Variants in PDE1C observed in about 807,000 individuals in gnomAD.
PDE1C encodes dual specificity calcium/calmodulin-dependent 3',5'-cyclic nucleotide phosphodiesterase 1C.
Under a neutral mutation model 93.1 loss-of-function variants are expected in PDE1C, and 62 were observed. The ratio of observed to expected loss-of-function variants is 0.67; its 90% CI spans 0.54 to 0.82. PDE1C has a LOEUF of 0.82. Ranked by LOEUF, PDE1C falls within the 40% of genes least tolerant of loss-of-function variation. PDE1C has a pLI of 0.00. For synonymous variants in PDE1C, 325 were observed against 310.1 expected (o/e 1.05, Z -0.50); for missense variants, 742 against 884.6 (o/e 0.84, Z 2.04).
intron 1 of PDE1C, among the ~76,000 whole-genome samples, chr7:32,367,531 A>G (rs1263835960): frequency 6.6e-6 from 1 of 152,228 alleles, no homozygotes; most frequent in Non-Finnish European, 1.5e-5. Context: ...CTCACCTGTA[A>G]AGACAGACAG....
intron 3 of PDE1C, among the ~76,000 whole-genome samples, chr7:32,137,566 C>T (rs1011342410): frequency 1.3e-5 from 2 of 152,192 alleles, no homozygotes; most frequent in African/African-American, 4.8e-5. Context: ...GTATTTCCTC[C>T]ATCCCCTGGA....
At chr7:32,157,373 T>G (rs999909963) in intron 3 of PDE1C, among the ~76,000 whole-genome samples, 1 of 152,208 alleles carries the variant, frequency 6.6e-6, no homozygotes, top group Middle Eastern at 3.2e-3. Context: ...TTTGAGGTGA[T>G]GGACATCCCC....
the PDE1C span, chr7:31,696,881 G>A: frequency 2.1e-6 from 3 of 1,440,410 alleles, no homozygotes; most frequent in South Asian, 2.8e-5. Context: ...GTCTTCACCA[G>A]ATGTCTATAA....
At chr7:31,733,901 G>A in the PDE1C span, among the ~76,000 whole-genome samples, 61 of 152,272 alleles carry the variant, frequency 4.0e-4, no homozygotes, top group African/African-American at 1.1e-3. Flanking sequence ...CTACTCGGGA[G>A]GCTGAGGCAA....
At chr7:31,747,963 C>G (rs944399602), downstream of PDE1C, among the ~76,000 whole-genome samples, 1 of 149,962 alleles carries the variant, frequency 6.7e-6, no homozygotes, top group African/African-American at 2.5e-5. Flanking sequence ...AGAGTTCAGG[C>G]TCCTCCCATA....
At chr7:32,167,260 G>A (rs761290571) in intron 3 of PDE1C, among the ~76,000 whole-genome samples, 1 of 152,186 alleles carries the variant, frequency 6.6e-6, no homozygotes, top group Non-Finnish European at 1.5e-5. Flanking sequence ...CACACATTTT[G>A]TCCTGGTAGT....
intron 7 of PDE1C, among the ~76,000 whole-genome samples, chr7:31,857,127 G>T (rs1179863742): frequency 1.3e-5 from 2 of 152,100 alleles, no homozygotes; most frequent in East Asian, 1.9e-4. Flanking sequence ...CTGAGGTCCT[G>T]GGGACTAGGA....
intron 7 of PDE1C, among the ~76,000 whole-genome samples, chr7:31,853,570 A>G (rs895304211): frequency 1.3e-5 from 2 of 152,204 alleles, no homozygotes; most frequent in Non-Finnish European, 2.9e-5. Context: ...ACAGTGAGCG[A>G]GGAATGTAAA....
chr7:31,901,091 A>G (rs1254584386), intron 2 of PDE1C, among the ~76,000 whole-genome samples: 1 of 151,132 alleles, frequency 6.6e-6, no homozygotes, highest in African/African-American at 2.4e-5. Flanking sequence ...GGATTCTATT[A>G]AGGACTGGAA....
intron 1 of PDE1C, chr7:32,209,597 T>G (rs760626308): frequency 1.2e-5 from 17 of 1,405,314 alleles, no homozygotes; most frequent in Non-Finnish European, 1.7e-5. Flanking sequence ...CCACCAAATA[T>G]GCCCCAATAC....
chr7:31,646,252 T>A, the PDE1C span, among the ~76,000 whole-genome samples: 1 of 152,194 alleles, frequency 6.6e-6, no homozygotes, highest in Non-Finnish European at 1.5e-5. Flanking sequence ...CCAGAGAGCA[T>A]GACTGGTCAG....
At chr7:31,740,140 A>G in the PDE1C span, among the ~76,000 whole-genome samples, 1 of 152,176 alleles carries the variant, frequency 6.6e-6, no homozygotes, top group Non-Finnish European at 1.5e-5. Flanking sequence ...AAGGGCTAGA[A>G]TGTGGCATTT....
intron 3 of PDE1C, among the ~76,000 whole-genome samples, chr7:32,105,530 T>C (rs1048885723): frequency 6.6e-6 from 1 of 152,118 alleles, no homozygotes; most frequent in African/African-American, 2.4e-5. Context: ...GATGATAAAG[T>C]AGAACATCTC....
chr7:32,172,610 G>A (rs1217740957), intron 2 of PDE1C, among the ~76,000 whole-genome samples: 1 of 152,082 alleles, frequency 6.6e-6, no homozygotes, highest in Non-Finnish European at 1.5e-5. Flanking sequence ...ATCACCTGAG[G>A]TCAGGAGTTC....
At chr7:32,171,992 T>C (rs1207711106) in intron 2 of PDE1C, among the ~76,000 whole-genome samples, 1 of 151,078 alleles carries the variant, frequency 6.6e-6, no homozygotes, top group East Asian at 1.9e-4. Context: ...ATATTATCTT[T>C]GTAATTTTTC....
the PDE1C span, among the ~76,000 whole-genome samples, chr7:31,660,120 G>A: frequency 1.3e-5 from 2 of 152,134 alleles, no homozygotes; most frequent in East Asian, 3.9e-4. Flanking sequence ...CACCATGATT[G>A]TAAGTTTCCT....
intron 3 of PDE1C, among the ~76,000 whole-genome samples, chr7:32,109,885 C>A (rs1798549058): frequency 6.6e-6 from 1 of 152,062 alleles, no homozygotes; most frequent in Admixed American, 6.6e-5. Flanking sequence ...AAATACTGCA[C>A]AGTCAAGATG....
At chr7:32,102,981 TAGAG>T (rs1364771305) in intron 3 of PDE1C, among the ~76,000 whole-genome samples, 1 of 152,098 alleles carries the variant, frequency 6.6e-6, no homozygotes, top group Non-Finnish European at 1.5e-5. Context: ...TTCTATTCAA[TAGAG>T]AGAGAGGGGC....
intron 1 of PDE1C, among the ~76,000 whole-genome samples, chr7:32,372,908 T>C (rs1011938720): frequency 9.9e-5 from 15 of 152,110 alleles, no homozygotes; most frequent in African/African-American, 3.6e-4. Flanking sequence ...AACCACAATA[T>C]CATACCACTG....
Sources: allele counts gnomAD v4.1 joint callset (sites outside exome capture counted in the v4.1 genomes callset), GRCh38; gene constraint gnomAD v4.1.1; transcripts MANE v1.5; gene names NCBI Gene and HGNC (gene_info 2026-07-23, HGNC 2026-07-21).